The following PITPNA variants were observed in gnomAD, a reference collection of about 807,000 sequenced individuals.
PITPNA encodes the protein phosphatidylinositol transfer protein alpha isoform.
A neutral mutation model predicts 50.3 loss-of-function variants in PITPNA; 13 were observed. That is an observed-to-expected ratio of 0.26 (90% confidence interval 0.17 to 0.41). PITPNA has a LOEUF of 0.41. Among genes scored for constraint, PITPNA ranks in the 10% least tolerant of loss-of-function variants. The pLI, the probability that PITPNA is intolerant of heterozygous loss-of-function variation, is 1.00. For synonymous variants in PITPNA, 120 were observed against 119.6 expected (o/e 1.00, Z -0.02); for missense variants, 207 against 333.4 (o/e 0.62, Z 2.95).
intron 6 of PITPNA, 135 bp from the exon 7 acceptor site, chr17:1,539,087 T>C: frequency 1.6e-6 from 1 of 615,368 alleles, no homozygotes; most frequent in Non-Finnish European, 2.9e-6. Flanking sequence ...ATTATACAAT[T>C]ACATACAAAA....
chr17:1,562,473 C>A lies in PITPNA; in HGVS notation c.20+68G>T. ...CATCCGGGCCCTGCGTCCCTCGCCG[C>A]GCCGTCGCCCCGGCGGCCGTCCCCA... On this transcript the variant is annotated intron_variant, in intron 1 of 11. Transcript: ENST00000313486. The surrounding 1 kb of genome is among the most constrained non-coding windows in gnomAD (Gnocchi z 6.4). 7.7e-7 allele frequency: 1 copy of A among 1,306,662 alleles called. No individual in the cohort carries two copies. The allele number at this position is 1,306,662 out of a possible 1,614,324, so 80.9% of individuals were successfully genotyped here. A position where few individuals can be genotyped will look rare whatever the true frequency, so the allele number is the denominator to read the frequency against.
At chr17:1,522,238 A>G (rs1274839895) in intron 10 of PITPNA, among the ~76,000 whole-genome samples, 1 of 149,502 alleles carries the variant, frequency 6.7e-6, no homozygotes, top group Non-Finnish European at 1.5e-5. Context: ...CGCCCGGCTA[A>G]TTTTTTGTAT....
rs2075493149 is a variant in PITPNA, at chr17:1,519,150, A to G, written c.*1411T>C. On this transcript the variant is annotated 3_prime_UTR_variant, in exon 12 of 12. Coordinates refer to ENST00000313486, the MANE Select transcript of PITPNA (RefSeq NM_006224.4). ...AGGCAAACAAACTGACAAAAACAGG[A>G]TACATTCTCCCACCCACTTCTTGCT... 1 of 152,582 alleles carries G rather than the reference A, an allele frequency of 6.6e-6. No homozygotes were observed. The highest frequency in any genetic ancestry group is 2.1e-4 in the South Asian group (1 of 4,834). 9.5% of individuals were successfully genotyped at this position (152,582 alleles called of 1,614,324 possible). A position where few individuals can be genotyped will look rare whatever the true frequency, so the allele number is the denominator to read the frequency against.
Position 1,548,292 on chromosome 17 carries a change from T to C in PITPNA, c.289+4A>G. 1 of 1,598,548 alleles carries C rather than the reference T, an allele frequency of 6.3e-7. No homozygotes were observed. Among genetic ancestry groups the C allele is most frequent in the Non-Finnish European group, 8.5e-7 (1 of 1,170,984 alleles). On this transcript the variant is annotated splice_donor_region_variant and intron_variant, in intron 4 of 11. Transcript: ENST00000313486. ...CTGGCCGACGTGGCCCCGGCTGCAC[T>C]CACCGGTTCTGCAGTAGGGGTAAGC...
At chr17:1,538,630 T>C in intron 7 of PITPNA, 1 of 444,416 alleles carries the variant, frequency 2.3e-6, no homozygotes, top group African/African-American at 2.0e-5. Context: ...CAATACCTAC[T>C]TAGTCCAGTA....
chr17:1,562,447 C>T lies in PITPNA; in HGVS notation c.20+94G>A. ...CCCTCCGTCCCTGCTGCCCCTCCGTCCATCCGGGCCCTGCGTCCCTCGCCG... is the reference window on the plus strand; with the variant it reads ...CCCTCCGTCCCTGCTGCCCCTCCGTTCATCCGGGCCCTGCGTCCCTCGCCG... On this transcript the variant is annotated intron_variant, in intron 1 of 11. Coordinates refer to ENST00000313486, the MANE Select transcript of PITPNA (RefSeq NM_006224.4). The surrounding 1 kb of genome is among the most constrained non-coding windows in gnomAD (Gnocchi z 6.4). 9.5e-7 allele frequency: 1 copy of T among 1,050,992 alleles called. No homozygotes were observed. The highest frequency in any genetic ancestry group is 1.3e-6 in the Non-Finnish European group (1 of 768,592). The allele number at this position is 1,050,992 out of a possible 1,614,324, so 65.1% of individuals were successfully genotyped here. A position where few individuals can be genotyped will look rare whatever the true frequency, so the allele number is the denominator to read the frequency against.
intron 10 of PITPNA, among the ~76,000 whole-genome samples, chr17:1,528,834 A>T (rs1271633534): frequency 6.6e-6 from 1 of 151,640 alleles, no homozygotes; most frequent in Non-Finnish European, 1.5e-5. Flanking sequence ...AGCAGGTTGG[A>T]GGGAATTAAG....
chr17:1,540,981 C>G lies in PITPNA; in HGVS notation c.372+585G>C, dbSNP rs539596138. ...TGGTGCAGTCACAGCTCACTGCAGCCTTGACTTCCCAGCCTCAAATGATCC... is the reference window on the plus strand; with the variant it reads ...TGGTGCAGTCACAGCTCACTGCAGCGTTGACTTCCCAGCCTCAAATGATCC... On this transcript the variant is annotated intron_variant, in intron 6 of 11. Transcript: ENST00000313486. 9.8e-4 allele frequency among the ~76,000 whole-genome samples: 149 copies of G among 152,186 alleles called. 1 individual carries two copies. Among genetic ancestry groups the G allele is most frequent in the African/African-American group, 2.9e-3 (120 of 41,526 alleles).
intron 3 of PITPNA, among the ~76,000 whole-genome samples, chr17:1,551,293 T>C (rs554872619): frequency 6.6e-6 from 1 of 151,528 alleles, no homozygotes; most frequent in South Asian, 2.1e-4. Context: ...TTTTTCTTTT[T>C]TTTTTTTTGT....
Position 1,543,002 on chromosome 17 carries a change from C to A in PITPNA, c.297+18G>T. The A allele has an allele frequency of 6.3e-7, 1 of 1,577,404 alleles. No homozygotes were observed. Among genetic ancestry groups the A allele is most frequent in the South Asian group, 1.1e-5 (1 of 89,644 alleles). ...CTTATACATCATCTACAGTTCCAAC[C>A]CCCTTGACAATACTTACTGTAATAA... On this transcript the variant is annotated intron_variant, in intron 5 of 11. Coordinates refer to ENST00000313486, the MANE Select transcript of PITPNA (RefSeq NM_006224.4).
intron 10 of PITPNA, among the ~76,000 whole-genome samples, chr17:1,530,009 T>C (rs568260359): frequency 7.7e-4 from 117 of 152,312 alleles, no homozygotes; most frequent in Non-Finnish European, 1.5e-3. Context: ...AGCCACAGTT[T>C]ATCTATAAAA....
chr17:1,535,532 T>C lies in PITPNA; in HGVS notation c.457-14A>G, dbSNP rs754478848. The C allele has an allele frequency of 6.3e-7, 1 of 1,590,524 alleles. No individual in the cohort carries two copies. The highest frequency in any genetic ancestry group is 8.6e-7 in the Non-Finnish European group (1 of 1,158,644). On this transcript the variant is annotated splice_polypyrimidine_tract_variant and intron_variant, in intron 7 of 11. Coordinates refer to ENST00000313486, the MANE Select transcript of PITPNA (RefSeq NM_006224.4). The stretch of plus-strand genomic sequence containing the variant: ...TGCCTTGTAATCCTGAGAGAAATTG[T>C]GGAATTGGGGTTGGAGGGGAGTGGG...
intron 3 of PITPNA, among the ~76,000 whole-genome samples, chr17:1,549,272 T>C (rs1472425523): frequency 6.6e-6 from 1 of 151,820 alleles, no homozygotes; most frequent in East Asian, 1.9e-4. Flanking sequence ...TGCTTTTTTT[T>C]TTTTTTTTGG....
At position 1,555,430 on chromosome 17, in the gene PITPNA, C is replaced by G. The variant is rs368845009; in HGVS notation, c.52-2281G>C. On this transcript the variant is annotated intron_variant, in intron 2 of 11. Coordinates refer to ENST00000313486, the MANE Select transcript of PITPNA (RefSeq NM_006224.4). ...TCCTTTTGGCACAGCTGCTCTGCCC[C>G]CTGGGAAAGCAGCCAGACTCGGATG... is the stretch of plus-strand genomic sequence containing the variant. Among the ~76,000 whole-genome samples the G allele has an allele frequency of 3.9e-5, 6 of 152,250 alleles. No individual in the cohort carries two copies. In the South Asian group the frequency reaches 1.2e-3, roughly 32 times the overall value.
chr17:1,556,996 A>C (rs2075738155), intron 2 of PITPNA, among the ~76,000 whole-genome samples: 1 of 152,132 alleles, frequency 6.6e-6, no homozygotes, highest in Non-Finnish European at 1.5e-5. Flanking sequence ...GTGGGTTAAC[A>C]AGACCCTTCC....
chr17:1,530,664 A>T (rs1476456663), intron 10 of PITPNA, among the ~76,000 whole-genome samples: 3 of 152,192 alleles, frequency 2.0e-5, no homozygotes, highest in Admixed American at 2.0e-4. Context: ...ACAGGCATCT[A>T]TCTCTATTCC....
intron 4 of PITPNA, among the ~76,000 whole-genome samples, 200 bp downstream of exon 4, chr17:1,548,096 C>T (rs904202346): frequency 6.6e-6 from 1 of 152,238 alleles, no homozygotes; most frequent in East Asian, 1.9e-4. Flanking sequence ...GAGAGACTGG[C>T]TCTGTGCTCT....
chr17:1,518,871 T>C lies in PITPNA; in HGVS notation c.*1690A>G, dbSNP rs1415860429. On this transcript the variant is annotated 3_prime_UTR_variant, in exon 12 of 12. Coordinates refer to ENST00000313486, the MANE Select transcript of PITPNA (RefSeq NM_006224.4). ...CTCTTCTCCAACTTTCCAAGTCAGA[T>C]AAATGCTACCAGCAGTTGAGATGCT... 1 of 152,252 alleles carries C rather than the reference T, an allele frequency of 6.6e-6. No individual in the cohort carries two copies. Among genetic ancestry groups the C allele is most frequent in the Non-Finnish European group, 1.5e-5 (1 of 68,048 alleles). The allele number at this position is 152,252 out of a possible 1,614,324, so 9.4% of individuals were successfully genotyped here.
intron 9 of PITPNA, 103 bp from the exon 10 acceptor site, chr17:1,534,324 C>T (rs1279833558): frequency 3.7e-5 from 53 of 1,433,654 alleles, no homozygotes; most frequent in East Asian, 1.6e-4. Flanking sequence ...AGACTGGGGA[C>T]GGGCGGACAG....
Sources: gnomAD v4.1 joint callset for allele counts (sites outside exome capture counted in the v4.1 genomes callset) on GRCh38, gnomAD v4.1.1 for gene constraint, Gnocchi (gnomAD v3.1) non-coding constraint, MANE v1.5 for transcripts, NCBI Gene and HGNC (gene_info 2026-07-23, HGNC 2026-07-21) for gene names.